FMN1: variants seen among roughly 807,000 people sequenced by gnomAD.
FMN1 encodes formin 1.
In FMN1, 110 loss-of-function variants were observed where a neutral mutation model predicts 132.4. The ratio of observed to expected loss-of-function variants is 0.83; its 90% CI spans 0.71 to 0.97. FMN1 has a LOEUF of 0.97. Among genes scored for constraint, FMN1 ranks in the 50% least tolerant of loss-of-function variants. The pLI, the probability that FMN1 is intolerant of heterozygous loss-of-function variation, is 0.00. For synonymous variants in FMN1, 722 were observed against 651.7 expected, an observed-to-expected ratio of 1.11 and a Z score of -1.64; for missense variants, 1,792 against 1,705.3, an observed-to-expected ratio of 1.05 and a Z score of -0.90.
chr15:32,855,830 A>T (rs937229519), intron 17 of FMN1, among the ~76,000 whole-genome samples: 1 of 152,236 alleles, frequency 6.6e-6, no homozygotes, highest in Non-Finnish European at 1.5e-5. Context: ...CAGTATAATT[A>T]TACAGCAATG....
chr15:32,808,430 C>T (rs560151497), intron 17 of FMN1, among the ~76,000 whole-genome samples: 9 of 152,204 alleles, frequency 5.9e-5, no homozygotes, highest in Non-Finnish European at 1.2e-4. Context: ...GACAGTTCAA[C>T]GTCATGCCAT....
At chr15:32,855,953 A>G (rs1315894256) in intron 17 of FMN1, among the ~76,000 whole-genome samples, 1 of 152,200 alleles carries the variant, frequency 6.6e-6, no homozygotes, top group Admixed American at 6.5e-5. Flanking sequence ...CTTCCATCAT[A>G]TATGAGGTTC....
intron 6 of FMN1, among the ~76,000 whole-genome samples, chr15:33,030,884 A>T (rs1326003438): frequency 6.6e-6 from 1 of 152,162 alleles, no homozygotes. Context: ...CAGGTTTATT[A>T]CATAGGTATA....
chr15:32,808,100 G>A (rs776738089), intron 17 of FMN1, among the ~76,000 whole-genome samples: 2 of 152,120 alleles, frequency 1.3e-5, no homozygotes, highest in Admixed American at 1.3e-4. Flanking sequence ...TAAGAATCCC[G>A]GTGTTCCAAC....
intron 17 of FMN1, among the ~76,000 whole-genome samples, chr15:32,832,855 C>A (rs1380171003): frequency 6.6e-6 from 1 of 152,108 alleles, no homozygotes; most frequent in Non-Finnish European, 1.5e-5. Flanking sequence ...GCTTCTATTT[C>A]AACTCTCCTT....
intron 19 of FMN1, among the ~76,000 whole-genome samples, chr15:32,792,299 G>C (rs1038806238): frequency 2.9e-5 from 4 of 138,998 alleles, no homozygotes; most frequent in African/African-American, 1.0e-4. Flanking sequence ...AAAAAAATTA[G>C]CCGGGCGTGG....
At chr15:32,982,204 G>A (rs1181075427) in intron 7 of FMN1, among the ~76,000 whole-genome samples, 2 of 152,130 alleles carry the variant, frequency 1.3e-5, no homozygotes, top group African/African-American at 4.8e-5. Context: ...ATCACTGCAC[G>A]CCTATTAGGA....
chr15:33,017,707 A>T (rs1179325101), intron 6 of FMN1, among the ~76,000 whole-genome samples: 1 of 152,142 alleles, frequency 6.6e-6, no homozygotes, highest in Non-Finnish European at 1.5e-5. Flanking sequence ...ATGGGGGGAA[A>T]CTTCTAATTC....
At chr15:32,798,325 G>T (rs1345181175) in intron 19 of FMN1, among the ~76,000 whole-genome samples, 1 of 152,136 alleles carries the variant, frequency 6.6e-6, no homozygotes, top group Non-Finnish European at 1.5e-5. Flanking sequence ...CAGGATACAG[G>T]GAGTCAGAAG....
intron 5 of FMN1, chr15:33,068,111 C>T: frequency 8.4e-7 from 1 of 1,184,846 alleles, no homozygotes; most frequent in Non-Finnish European, 1.1e-6. Context: ...TCTGTGGAGT[C>T]TATGCCCAGA....
intron 4 of FMN1, among the ~76,000 whole-genome samples, chr15:33,152,844 A>G (rs1266618753): frequency 6.7e-6 from 1 of 149,382 alleles, no homozygotes; most frequent in Non-Finnish European, 1.5e-5. Flanking sequence ...GGAAGCAACT[A>G]TACCTCTGAA....
At chr15:33,091,710 A>G (rs1282706551) in intron 4 of FMN1, among the ~76,000 whole-genome samples, 1 of 152,252 alleles carries the variant, frequency 6.6e-6, no homozygotes, top group African/African-American at 2.4e-5. Context: ...TTTTAGTAAT[A>G]CAAACAACTT....
In FMN1 at chr15:33,013,821, A is replaced by G. The variant is rs181089244; in HGVS notation, c.2162-5746T>C. ...AGTCAAAGGAAAGCTACTTAAACCA[A>G]GCTTCTTGTGAAATTGATGTCCTTT... On this transcript the variant is annotated intron_variant, in intron 6 of 20. Coordinates refer to ENST00000616417, the MANE Select transcript of FMN1 (RefSeq NM_001277313.2). Among the ~76,000 whole-genome samples, 176 of 152,326 alleles carry G rather than the reference A, an allele frequency of 1.2e-3. 1 individual carries two copies. The highest frequency in any genetic ancestry group is 3.8e-3 in the African/African-American group (157 of 41,570).
intron 4 of FMN1, among the ~76,000 whole-genome samples, chr15:33,117,526 A>G (rs1383352969): frequency 6.6e-6 from 1 of 152,202 alleles, no homozygotes; most frequent in Non-Finnish European, 1.5e-5. Flanking sequence ...TGCTTTTGGA[A>G]AATCTGAACT....
Position 32,770,957 on chromosome 15 carries a change from A to G in FMN1, c.*3353T>C, listed in dbSNP as rs2056216092. ...CTATGACCTCTGGGCCCCCACCGTC[A>G]TCATAAACATCCACTTCTGCTTGGC... is the stretch of plus-strand genomic sequence containing the variant. On this transcript the variant is annotated 3_prime_UTR_variant, in exon 21 of 21. Coordinates refer to ENST00000616417, the MANE Select transcript of FMN1 (RefSeq NM_001277313.2). 1 of 151,818 alleles carries G rather than the reference A, an allele frequency of 6.6e-6. No individual in the cohort carries two copies. Among genetic ancestry groups the G allele is most frequent in the South Asian group, 2.1e-4 (1 of 4,792 alleles). 9.4% of individuals were successfully genotyped at this position (151,818 alleles called of 1,614,324 possible). A position where few individuals can be genotyped will look rare whatever the true frequency, so the allele number is the denominator to read the frequency against.
At chr15:33,008,764 G>C (rs1261663790) in intron 6 of FMN1, among the ~76,000 whole-genome samples, 8 of 152,172 alleles carry the variant, frequency 5.3e-5, no homozygotes. Flanking sequence ...GCATGCAGCT[G>C]TCAAGACAAC....
intron 3 of FMN1, among the ~76,000 whole-genome samples, chr15:33,175,707 A>G (rs1965491301): frequency 6.6e-6 from 1 of 152,216 alleles, no homozygotes. Context: ...ATTAAAGCAG[A>G]GAAAACTGAA....
chr15:32,945,492 C>A (rs541614574), intron 9 of FMN1, among the ~76,000 whole-genome samples: 2 of 152,212 alleles, frequency 1.3e-5, no homozygotes, highest in Non-Finnish European at 2.9e-5. Flanking sequence ...AAACTTCAAC[C>A]CAGTCTCACA....
At chr15:32,972,482 T>C (rs944535187) in intron 7 of FMN1, among the ~76,000 whole-genome samples, 6 of 152,236 alleles carry the variant, frequency 3.9e-5, no homozygotes, top group African/African-American at 1.2e-4. Flanking sequence ...ATGATTTGAC[T>C]GTTGCATTCA....
Sources: gnomAD v4.1 joint callset for allele counts (sites outside exome capture counted in the v4.1 genomes callset) on GRCh38, gnomAD v4.1.1 for gene constraint, MANE v1.5 for transcripts, NCBI Gene and HGNC (gene_info 2026-07-23, HGNC 2026-07-21) for gene names.